The following SUPV3L1 variants were observed in gnomAD, a reference collection of about 807,000 sequenced individuals.
SUPV3L1 encodes ATP-dependent RNA helicase SUPV3L1, mitochondrial.
SUPV3L1 carries 35 observed loss-of-function variants against 70.0 expected under a neutral mutation model. The ratio of observed to expected loss-of-function variants is 0.50; its 90% CI spans 0.38 to 0.66. SUPV3L1 has a LOEUF of 0.66. SUPV3L1 is among the 30% of genes least tolerant of loss of function. The pLI, the probability that SUPV3L1 is intolerant of heterozygous loss-of-function variation, is 0.00. For missense variants in SUPV3L1, 777 were observed against 961.5 expected (o/e 0.81, Z 2.54); for synonymous variants, 364 against 341.9 (o/e 1.06, Z -0.71).
chr10:69,195,808 T>A (rs1472062367), intron 7 of SUPV3L1, among the ~76,000 whole-genome samples: 1 of 152,138 alleles, frequency 6.6e-6, no homozygotes, highest in Admixed American at 6.6e-5. Context: ...GATGGCGCAG[T>A]TGTGGCTCAC....
At chr10:69,201,070 G>A (rs145844298) in intron 11 of SUPV3L1, among the ~76,000 whole-genome samples, 62 of 152,282 alleles carry the variant, frequency 4.1e-4, no homozygotes, top group African/African-American at 1.3e-3. Flanking sequence ...ATGAAGGGGA[G>A]TATAGACATG....
At chr10:69,186,339 AAAAAAG>A (rs939179174) in intron 2 of SUPV3L1, 98 bp from the exon 3 acceptor site, 64 of 671,488 alleles carry the variant, frequency 9.5e-5, no homozygotes, top group Admixed American at 3.4e-4. Flanking sequence ...AAAAAAAAAA[AAAAAAG>A]AAAAAAAAAG....
At chr10:69,200,257 G>C (rs1284579070) in intron 10 of SUPV3L1, 23 bp from the exon 11 acceptor site, 3 of 1,598,270 alleles carry the variant, frequency 1.9e-6, no homozygotes, top group Admixed American at 1.7e-5. Context: ...CAGTCTGCAG[G>C]ATCACTTTTA....
rs181076253 is a variant in SUPV3L1 at position 69,197,788 on chromosome 10, C to T, written c.1024-584C>T. Among the ~76,000 whole-genome samples, 15 of 152,234 alleles carry T rather than the reference C, an allele frequency of 9.9e-5. No individual in the cohort carries two copies. The East Asian group carries it at 2.3e-3, about 24-fold the overall frequency. ...CTCACTGTGTTACCAAGGCTGGTCT[C>T]GAACTCCAGTGCTCAAGCAATTCTC... On this transcript the variant is annotated intron_variant, in intron 8 of 14. Transcript: ENST00000359655.
At chr10:69,191,863 A>G (rs368899605) in intron 6 of SUPV3L1, 97 bp downstream of exon 6, 29 of 871,900 alleles carry the variant, frequency 3.3e-5, no homozygotes, top group African/African-American at 1.2e-4. Context: ...CTGGAATGCA[A>G]TGGTACTATC....
At chr10:69,200,644 A>T in intron 11 of SUPV3L1, 145 bp downstream of exon 11, 1 of 664,202 alleles carries the variant, frequency 1.5e-6, no homozygotes, top group Non-Finnish European at 2.5e-6. Flanking sequence ...CTGCATTAAA[A>T]AAAGCCCTAC....
At chr10:69,196,225 C>T (rs1295096844) in intron 7 of SUPV3L1, among the ~76,000 whole-genome samples, 1 of 152,080 alleles carries the variant, frequency 6.6e-6, no homozygotes, top group African/African-American at 2.4e-5. Context: ...GGTGCGGTGG[C>T]TCACGCCTGT....
intron 6 of SUPV3L1, chr10:69,192,704 AGTT>A (rs1434364275): frequency 1.3e-5 from 2 of 152,060 alleles, no homozygotes; most frequent in African/African-American, 4.8e-5. Flanking sequence ...TTCTATTTAA[AGTT>A]GTTTTGTTTT....
chr10:69,203,385 C>T (rs374125387), intron 13 of SUPV3L1, among the ~76,000 whole-genome samples: 48 of 152,002 alleles, frequency 3.2e-4, no homozygotes, highest in African/African-American at 1.1e-3. Context: ...CTACCAAGGC[C>T]GGGTGCAGTG....
At chr10:69,199,330 A>G (rs1244059435) in intron 10 of SUPV3L1, 133 bp downstream of exon 10, 5 of 715,636 alleles carry the variant, frequency 7.0e-6, no homozygotes, top group Non-Finnish European at 1.1e-5. Context: ...GCTAGATTTG[A>G]GGTTTGTCTT....
At chr10:69,185,504 CT>C (rs35590294) in intron 1 of SUPV3L1, among the ~76,000 whole-genome samples, 73 of 139,492 alleles carry the variant, frequency 5.2e-4, no homozygotes, top group Non-Finnish European at 3.5e-4. Flanking sequence ...TCATTTTTCT[CT>C]TTTTTTTTTT....
rs1842875585 is a variant in SUPV3L1, at chr10:69,207,920, T to C, written c.1904T>C (p.Leu635Ser). ...GATCTTGAAGCTGTCCACGATGTCT[T>C]GGATCTTTACTTGTGGCTAAGGTAC... ...LMDLEAVHDVLDLYLWLSYRF... is the reference protein window; with the variant it reads ...LMDLEAVHDVSDLYLWLSYRF... Residue 635 changes from leucine to serine, a missense_variant, in exon 14 of 15, where the codon TTG becomes TCG. By Grantham distance (145) the Leu-to-Ser change is moderately radical (BLOSUM62 -2). Transcript: ENST00000359655. 1.9e-6 allele frequency: 3 copies of C among 1,613,966 alleles called. No individual in the cohort carries two copies.
At chr10:69,186,352 A>AAAAG in intron 2 of SUPV3L1, 91 bp from the exon 3 acceptor site, 1 of 971,618 alleles carries the variant, frequency 1.0e-6, no homozygotes, top group Non-Finnish European at 1.6e-6. Context: ...AAAGAAAAAA[A>AAAAG]AAGACTCTTT....
intron 6 of SUPV3L1, among the ~76,000 whole-genome samples, chr10:69,194,479 G>A (rs1325155045): frequency 6.6e-6 from 1 of 152,034 alleles, no homozygotes; most frequent in Non-Finnish European, 1.5e-5. Context: ...AGCCTCCAGA[G>A]TAGCTGGGAC....
chr10:69,190,429 CT>C (rs67423329), intron 5 of SUPV3L1, among the ~76,000 whole-genome samples: 70,619 of 149,472 alleles, frequency 0.47, 18,782 homozygotes, highest in Middle Eastern at 0.73. Context: ...TTTGCATTCT[CT>C]TTTTTTTTTT....
rs1456497278 is a variant in SUPV3L1, at chr10:69,197,041, C to T, written c.981C>T (p.Asp327=). The change falls in exon 8 of 15, where the codon GAC becomes GAT. Residue 327 remains aspartate, a synonymous_variant. Transcript: ENST00000359655. ...VHLCGEPAAI[D]LVMELMYTTG... is the part of the protein sequence containing the mutation. ...TGTGTGGAGAACCTGCTGCTATTGACCTGGTGATGGAGCTTATGTACACAA... is the reference window on the plus strand; with the variant it reads ...TGTGTGGAGAACCTGCTGCTATTGATCTGGTGATGGAGCTTATGTACACAA... The T allele has an allele frequency of 6.2e-7, 1 of 1,614,036 alleles. No individual in the cohort carries two copies. The highest frequency in any genetic ancestry group is 1.1e-5 in the South Asian group (1 of 91,072).
chr10:69,181,454 A>G (rs1257372491), intron 1 of SUPV3L1, among the ~76,000 whole-genome samples: 1 of 152,240 alleles, frequency 6.6e-6, no homozygotes, highest in Non-Finnish European at 1.5e-5. Context: ...CAGTACTTTC[A>G]CTAAACATGT....
chr10:69,180,617 TG>T, intron 1 of SUPV3L1, 55 bp downstream of exon 1: 1 of 1,593,368 alleles, frequency 6.3e-7, no homozygotes, highest in Non-Finnish European at 8.5e-7. Flanking sequence ...GGGCCGAGGC[TG>T]GTTGGGAGGA....
rs1589385180 is a variant in SUPV3L1 at position 69,196,893 on chromosome 10, A to C, written c.932-99A>C. ...TTGAAAATACTTGGTAAGGTTGTAA[A>C]GCAATATGTAAGCCAACGTAAAGTA... On this transcript the variant is annotated intron_variant, in intron 7 of 14. Coordinates refer to ENST00000359655, the MANE Select transcript of SUPV3L1 (RefSeq NM_003171.5). 3.4e-5 allele frequency: 33 copies of C among 978,384 alleles called. No individual in the cohort carries two copies. The East Asian group carries it at 8.6e-4, about 26-fold the overall frequency. 60.6% of individuals were successfully genotyped at this position (978,384 alleles called of 1,614,324 possible). A position where few individuals can be genotyped will look rare whatever the true frequency, so the allele number is the denominator to read the frequency against.
Sources: allele counts gnomAD v4.1 joint callset (sites outside exome capture counted in the v4.1 genomes callset), GRCh38; gene constraint gnomAD v4.1.1; transcripts MANE v1.5; gene names NCBI Gene and HGNC (gene_info 2026-07-23, HGNC 2026-07-21).